Variants in HUNK observed in about 807,000 individuals in gnomAD.
The protein encoded by HUNK is hormonally up-regulated Neu-associated kinase.
In HUNK, 21 loss-of-function variants were observed where a neutral mutation model predicts 61.0. The observed-to-expected ratio is 0.34, with a 90% CI of 0.24 to 0.50. The LOEUF (loss-of-function observed/expected upper bound fraction) is 0.50. Among genes scored for constraint, HUNK ranks in the 20% least tolerant of loss-of-function variants. The pLI is 0.98. For synonymous variants in HUNK, 371 were observed against 386.1 expected (o/e 0.96, Z 0.46); for missense variants, 772 against 945.7 (o/e 0.82, Z 2.41).
chr21:31,992,171 A>C (rs1030008799), intron 9 of HUNK, among the ~76,000 whole-genome samples: 2 of 152,188 alleles, frequency 1.3e-5, no homozygotes, highest in Non-Finnish European at 2.9e-5. Context: ...TTTGGAACAC[A>C]GAAGCCTGGG....
At chr21:31,916,699 T>TG (rs2052585430) in intron 1 of HUNK, among the ~76,000 whole-genome samples, 2 of 150,760 alleles carry the variant, frequency 1.3e-5, no homozygotes, top group South Asian at 4.2e-4. Flanking sequence ...TTTTCTGAGA[T>TG]GGAGTCTTGC....
intron 6 of HUNK, 107 bp from the exon 7 acceptor site, chr21:31,974,448 C>G: frequency 9.7e-7 from 1 of 1,033,342 alleles, no homozygotes; most frequent in Admixed American, 2.6e-5. Flanking sequence ...AAACTCAAGT[C>G]AGTGAATGAA....
At chr21:31,971,282 G>C (rs147259029) in intron 6 of HUNK, among the ~76,000 whole-genome samples, 358 of 152,086 alleles carry the variant, frequency 2.4e-3, no homozygotes, top group South Asian at 4.0e-3. Flanking sequence ...ATGTTGCCCA[G>C]GCTGGTCATA....
intron 1 of HUNK, among the ~76,000 whole-genome samples, chr21:31,896,753 G>T (rs1011384777): frequency 6.0e-4 from 92 of 152,254 alleles, no homozygotes; most frequent in African/African-American, 2.2e-3. Context: ...TCTTTATATT[G>T]TTTGTAGGAT....
At chr21:31,952,738 A>G (rs538822675) in intron 4 of HUNK, among the ~76,000 whole-genome samples, 10 of 93,076 alleles carry the variant, frequency 1.1e-4, no homozygotes, top group Admixed American at 6.5e-4. Context: ...CCCCCCACCC[A>G]GTGTCTGCCT....
chr21:31,909,050 A>C (rs904910614), intron 1 of HUNK, among the ~76,000 whole-genome samples: 4 of 152,284 alleles, frequency 2.6e-5, no homozygotes, highest in Non-Finnish European at 5.9e-5. Flanking sequence ...ATCTCCCCTT[A>C]AGATTCCCGA....
intron 2 of HUNK, among the ~76,000 whole-genome samples, chr21:31,932,181 C>T (rs543158882): frequency 1.6e-4 from 24 of 152,328 alleles, no homozygotes; most frequent in African/African-American, 4.8e-4. Flanking sequence ...CACACTCGGG[C>T]GTAAACACAC....
chr21:31,968,276 C>T lies in HUNK; in HGVS notation c.901C>T (p.Leu301=). 1.2e-6 allele frequency: 2 copies of T among 1,614,202 alleles called. No individual in the cohort carries two copies. The highest frequency in any genetic ancestry group is 1.7e-6 in the Non-Finnish European group (2 of 1,180,034). ...TGCCATCAGTTTCCTGCGCTCTCTC[C>T]TGGAACCGGATCCTGTGAAGAGGCC... ...TGAISFLRSL[L]EPDPVKRPNI... Residue 301 remains leucine, a synonymous_variant, in exon 6 of 11, where the codon CTG becomes TTG. Transcript: ENST00000270112.
At chr21:31,883,452 C>T (rs1219075943) in intron 1 of HUNK, among the ~76,000 whole-genome samples, 1 of 152,056 alleles carries the variant, frequency 6.6e-6, no homozygotes, top group East Asian at 1.9e-4. Context: ...GTCCATTCGC[C>T]AATTTTCTTT....
chr21:31,989,985 A>G (rs1349901298), intron 8 of HUNK, 144 bp from the exon 9 acceptor site: 3 of 733,652 alleles, frequency 4.1e-6, no homozygotes, highest in African/African-American at 1.7e-5. Flanking sequence ...GTCTACTTCC[A>G]TGGCAATTTC....
intron 2 of HUNK, among the ~76,000 whole-genome samples, chr21:31,939,399 GTTTTTTTTTTT>G (rs398036365): frequency 6.1e-4 from 41 of 66,720 alleles, no homozygotes; most frequent in Non-Finnish European, 8.6e-4. Flanking sequence ...GCTTTCATGT[GTTTTTTTTTTT>G]TTTTTTTTTT....
chr21:31,904,407 G>A (rs2052490693), intron 1 of HUNK, among the ~76,000 whole-genome samples: 1 of 152,146 alleles, frequency 6.6e-6, no homozygotes, highest in South Asian at 2.1e-4. Flanking sequence ...TAAAAAGATG[G>A]TGACCTCTTT....
intron 4 of HUNK, among the ~76,000 whole-genome samples, chr21:31,949,252 G>A (rs1227072530): frequency 6.6e-6 from 1 of 152,184 alleles, no homozygotes; most frequent in African/African-American, 2.4e-5. Flanking sequence ...GGAGCTAGTG[G>A]AATGGAGCAG....
At chr21:31,949,520 A>C (rs2052834259) in intron 4 of HUNK, among the ~76,000 whole-genome samples, 1 of 152,118 alleles carries the variant, frequency 6.6e-6, no homozygotes, top group Non-Finnish European at 1.5e-5. Context: ...TCACTTTCTT[A>C]ACAGTTAGAG....
intron 1 of HUNK, among the ~76,000 whole-genome samples, chr21:31,904,748 C>T (rs974449634): frequency 6.6e-6 from 1 of 152,136 alleles, no homozygotes; most frequent in African/African-American, 2.4e-5. Context: ...CATGTTGAAG[C>T]CTTAACTCCT....
intron 1 of HUNK, among the ~76,000 whole-genome samples, chr21:31,886,765 C>A (rs2052349139): frequency 6.6e-6 from 1 of 152,062 alleles, no homozygotes. Context: ...CCTGCTTCAG[C>A]CTCTCGAGTA....
At chr21:31,891,266 A>G (rs924366790) in intron 1 of HUNK, among the ~76,000 whole-genome samples, 6 of 152,244 alleles carry the variant, frequency 3.9e-5, no homozygotes, top group East Asian at 1.9e-4. Flanking sequence ...AATCCCAGCT[A>G]CTTGGGTGGC....
chr21:31,906,084 C>T (rs1418258824), intron 1 of HUNK, among the ~76,000 whole-genome samples: 3 of 152,106 alleles, frequency 2.0e-5, no homozygotes, highest in Admixed American at 2.0e-4. Flanking sequence ...TTCCCCTTAG[C>T]ATCATCTGCA....
At chr21:31,876,427 A>G (rs1423598354) in intron 1 of HUNK, among the ~76,000 whole-genome samples, 1 of 152,202 alleles carries the variant, frequency 6.6e-6, no homozygotes, top group Non-Finnish European at 1.5e-5. Context: ...TTAATGCTTA[A>G]CTAATAGATT....
Sources: allele counts gnomAD v4.1 joint callset (sites outside exome capture counted in the v4.1 genomes callset), GRCh38; gene constraint gnomAD v4.1.1; transcripts MANE v1.5; gene names NCBI Gene and HGNC (gene_info 2026-07-23, HGNC 2026-07-21).